The following ROBO2 variants were observed in gnomAD, a reference collection of about 807,000 sequenced individuals.
ROBO2 encodes the protein roundabout homolog 2.
A neutral mutation model predicts 160.8 loss-of-function variants in ROBO2; 53 were observed. The ratio of observed to expected loss-of-function variants is 0.33; its 90% CI spans 0.26 to 0.41. The LOEUF is 0.41. Ranked by LOEUF, ROBO2 falls within the 10% of genes least tolerant of loss-of-function variation. The probability of loss-of-function intolerance (pLI) is 1.00; values close to 1 mark genes in which losing one functional copy is unlikely to be tolerated. For missense variants in ROBO2, 1,577 were observed against 1,722.4 expected (o/e 0.92, Z 1.49); for synonymous variants, 664 against 611.7 (o/e 1.09, Z -1.26).
chr3:76,981,267 A>G (rs2060083118), intron 2 of ROBO2, among the ~76,000 whole-genome samples: 1 of 152,146 alleles, frequency 6.6e-6, no homozygotes, highest in African/African-American at 2.4e-5. Flanking sequence ...TTGACAGACT[A>G]TTTTCCAAAG....
chr3:75,963,921 C>T (rs1044408016), intron 2 of ROBO2, among the ~76,000 whole-genome samples: 1 of 151,666 alleles, frequency 6.6e-6, no homozygotes, highest in African/African-American at 2.4e-5. Context: ...AGGACCCACC[C>T]CGAGGGCCTC....
intron 2 of ROBO2, among the ~76,000 whole-genome samples, chr3:76,911,746 G>A (rs1202701646): frequency 6.6e-6 from 1 of 152,002 alleles, no homozygotes; most frequent in Non-Finnish European, 1.5e-5. Context: ...ATGCATAAAA[G>A]GTAGATATCA....
At chr3:77,595,837 T>C (rs1163244680) in intron 18 of ROBO2, among the ~76,000 whole-genome samples, 1 of 152,142 alleles carries the variant, frequency 6.6e-6, no homozygotes, top group African/African-American at 2.4e-5. Context: ...GAAACACATG[T>C]TTCTCTTAGG....
intron 2 of ROBO2, among the ~76,000 whole-genome samples, chr3:77,165,565 ATAAAT>A (rs966248320): frequency 2.5e-5 from 3 of 121,448 alleles, no homozygotes; most frequent in African/African-American, 8.5e-5. Flanking sequence ...CAATAAAAAA[ATAAAT>A]TAAAAAAAAA....
intron 2 of ROBO2, among the ~76,000 whole-genome samples, chr3:76,547,763 G>A (rs961195003): frequency 2.0e-5 from 3 of 151,998 alleles, no homozygotes; most frequent in Admixed American, 6.6e-5. Flanking sequence ...CCTAATTTTT[G>A]CTGTGGAGTT....
chr3:77,567,958 CTCTTTCTAGAGA>C (rs1324114775), intron 12 of ROBO2, among the ~76,000 whole-genome samples: 1 of 152,018 alleles, frequency 6.6e-6, no homozygotes. Flanking sequence ...TACAAAGCTG[CTCTTTCTAGAGA>C]TCTTTCTAGA....
chr3:76,948,871 A>ATT (rs1559749382), intron 2 of ROBO2, among the ~76,000 whole-genome samples: 49 of 46,762 alleles, frequency 1.0e-3, no homozygotes, highest in African/African-American at 4.8e-3. Flanking sequence ...CACCCGGCTA[A>ATT]TTTTATATAT....
intron 2 of ROBO2, among the ~76,000 whole-genome samples, chr3:75,997,193 C>G (rs1457158176): frequency 1.3e-5 from 2 of 152,096 alleles, no homozygotes; most frequent in East Asian, 3.9e-4. Context: ...CTCATTTTAG[C>G]ACATATGTTA....
intron 2 of ROBO2, among the ~76,000 whole-genome samples, chr3:76,602,622 C>T (rs1002971309): frequency 1.3e-5 from 2 of 152,178 alleles, no homozygotes; most frequent in Admixed American, 6.5e-5. Flanking sequence ...AAGAACAGCA[C>T]AGGAAAGACC....
chr3:77,022,301 C>T (rs977399872), intron 2 of ROBO2, among the ~76,000 whole-genome samples: 1 of 152,074 alleles, frequency 6.6e-6, no homozygotes, highest in Non-Finnish European at 1.5e-5. Flanking sequence ...ACCCATGACG[C>T]GGAGGTTGCA....
At chr3:77,333,728 G>A (rs2066209404) in intron 2 of ROBO2, among the ~76,000 whole-genome samples, 1 of 151,940 alleles carries the variant, frequency 6.6e-6, no homozygotes, top group African/African-American at 2.4e-5. Context: ...ATACTTAATT[G>A]GTATAACTAA....
At chr3:77,336,929 TG>T (rs1467909838) in intron 2 of ROBO2, among the ~76,000 whole-genome samples, 1 of 152,232 alleles carries the variant, frequency 6.6e-6, no homozygotes, top group African/African-American at 2.4e-5. Context: ...GTTCCACTTT[TG>T]TTTTGCTAAA....
intron 2 of ROBO2, among the ~76,000 whole-genome samples, chr3:77,178,583 A>G (rs2150815221): frequency 6.6e-6 from 1 of 152,202 alleles, no homozygotes; most frequent in South Asian, 2.1e-4. Context: ...GCCAGCAAAG[A>G]GAACATTTTA....
At chr3:77,086,710 G>GA (rs1368531872) in intron 1 of ROBO2, among the ~76,000 whole-genome samples, 1 of 152,074 alleles carries the variant, frequency 6.6e-6, no homozygotes, top group East Asian at 1.9e-4. Context: ...CAGTCATTGT[G>GA]TGCATCCCTT....
chr3:76,768,950 T>A (rs896293418), intron 2 of ROBO2, among the ~76,000 whole-genome samples: 1 of 151,500 alleles, frequency 6.6e-6, no homozygotes, highest in Non-Finnish European at 1.5e-5. Context: ...GTACAATCTT[T>A]TTAATTTAAA....
chr3:76,643,601 T>C (rs1183444015), intron 2 of ROBO2, among the ~76,000 whole-genome samples: 1 of 152,186 alleles, frequency 6.6e-6, no homozygotes, highest in Non-Finnish European at 1.5e-5. Flanking sequence ...AAGGAGGATG[T>C]GCAAAAGTAT....
chr3:76,152,499 A>T (rs1363250656), intron 2 of ROBO2, among the ~76,000 whole-genome samples: 2 of 152,142 alleles, frequency 1.3e-5, no homozygotes, highest in African/African-American at 4.8e-5. Context: ...TATTTAATAT[A>T]TGTATTTTTT....
Position 77,292,032 on chromosome 3 carries a change from T to C in ROBO2, c.389-185382T>C, listed in dbSNP as rs189011322. 1.4e-3 allele frequency among the ~76,000 whole-genome samples: 204 copies of C among 145,678 alleles called. 1 individual carries two copies. The highest frequency in any genetic ancestry group is 2.3e-3 in the Non-Finnish European group (152 of 66,626). ...AGGCTAGATCACCCCAGAAATAAAGTAAAATTGACGGCTTAACGGGTAAGC... is the reference window on the plus strand; with the variant it reads ...AGGCTAGATCACCCCAGAAATAAAGCAAAATTGACGGCTTAACGGGTAAGC... On this transcript the variant is annotated intron_variant, in intron 2 of 25. Coordinates refer to ENST00000461745, the Ensembl canonical transcript of ROBO2.
chr3:77,118,727 G>A (rs931584406), intron 2 of ROBO2, among the ~76,000 whole-genome samples: 5 of 152,114 alleles, frequency 3.3e-5, no homozygotes, highest in Admixed American at 2.0e-4. Context: ...ATACAGTCAC[G>A]CATTGCTTAA....
Sources: allele counts gnomAD v4.1 joint callset (sites outside exome capture counted in the v4.1 genomes callset), GRCh38; gene constraint gnomAD v4.1.1; transcripts MANE v1.5; gene names NCBI Gene and HGNC (gene_info 2026-07-23, HGNC 2026-07-21).